LRRC69: variants seen among roughly 807,000 people sequenced by gnomAD.
LRRC69 encodes the protein leucine-rich repeat-containing protein 69.
Under a neutral mutation model 37.8 loss-of-function variants are expected in LRRC69, and 42 were observed. The ratio of observed to expected loss-of-function variants is 1.11; its 90% CI spans 0.87 to 1.44. The LOEUF is 1.44. Among genes scored for constraint, LRRC69 ranks in the 40% most tolerant of loss-of-function variants. The probability of loss-of-function intolerance (pLI) is 0.00; values close to 1 mark genes in which losing one functional copy is unlikely to be tolerated. For synonymous variants in LRRC69, 141 were observed against 143.1 expected (o/e 0.99, Z 0.11); for missense variants, 357 against 401.9 (o/e 0.89, Z 0.96).
intron 6 of LRRC69, among the ~76,000 whole-genome samples, chr8:91,192,799 C>T (rs1363652940): frequency 6.7e-6 from 1 of 149,920 alleles, no homozygotes; most frequent in Non-Finnish European, 1.5e-5. Context: ...TCTAGGTTGC[C>T]TGTTCACTCT....
At position 91,140,639 on chromosome 8, in the gene LRRC69, A is replaced by ATTT. The variant is rs71266165; in HGVS notation, c.651+4930_651+4932dup. On this transcript the variant is annotated intron_variant, in intron 5 of 7. Coordinates refer to ENST00000448384, the Ensembl canonical transcript of LRRC69. ...TTAAATGAATATTCTTCAATATGTG[A>ATTT]TTTTTTTTTTTTTTTTTTTTTTTTT... Among the ~76,000 whole-genome samples the ATTT allele has an allele frequency of 5.3e-3, 123 of 23,262 alleles. 38 individuals carry two copies. Among genetic ancestry groups the ATTT allele is most frequent in the African/African-American group, 0.019 (81 of 4,328 alleles). The allele number at this position is 23,262 out of a possible 152,430, so 15.3% of individuals were successfully genotyped here. A position where few individuals can be genotyped will look rare whatever the true frequency, so the allele number is the denominator to read the frequency against.
intron 6 of LRRC69, among the ~76,000 whole-genome samples, chr8:91,197,774 T>G (rs909068740): frequency 1.3e-5 from 2 of 151,472 alleles, no homozygotes; most frequent in African/African-American, 2.4e-5. Context: ...ACCCGGTACC[T>G]CAGATGGAAA....
intron 5 of LRRC69, among the ~76,000 whole-genome samples, chr8:91,151,589 T>A (rs1423183721): frequency 2.0e-5 from 3 of 151,766 alleles, no homozygotes; most frequent in Non-Finnish European, 4.4e-5. Context: ...TTGTGAATAG[T>A]GCTGCAGTAA....
intron 1 of LRRC69, among the ~76,000 whole-genome samples, chr8:91,105,077 T>A (rs1055206328): frequency 6.6e-6 from 1 of 152,050 alleles, no homozygotes; most frequent in East Asian, 1.9e-4. Flanking sequence ...GTGCTTACTT[T>A]TAAAGAAGAA....
chr8:91,173,167 G>A (rs1563613876), intron 5 of LRRC69, among the ~76,000 whole-genome samples: 1 of 151,930 alleles, frequency 6.6e-6, no homozygotes, highest in Non-Finnish European at 1.5e-5. Flanking sequence ...GTGTGGCTAT[G>A]GGGTAGAGTA....
At chr8:91,174,171 T>C (rs1332056190) in intron 5 of LRRC69, among the ~76,000 whole-genome samples, 1 of 150,494 alleles carries the variant, frequency 6.6e-6, no homozygotes, top group Non-Finnish European at 1.5e-5. Flanking sequence ...CTAAATAATA[T>C]GTTCATAGAG....
At chr8:91,158,256 G>C (rs1808871797) in intron 5 of LRRC69, 1 of 1,558,638 alleles carries the variant, frequency 6.4e-7, no homozygotes, top group Non-Finnish European at 8.8e-7. Context: ...GGATTAATTG[G>C]CCCCCTGATT....
chr8:91,142,026 A>G (rs1311965420), intron 5 of LRRC69, among the ~76,000 whole-genome samples: 1 of 152,034 alleles, frequency 6.6e-6, no homozygotes, highest in East Asian at 1.9e-4. Flanking sequence ...CAACAGAAAA[A>G]AAAGTAAATT....
intron 4 of LRRC69, 78 bp downstream of exon 4, chr8:91,133,383 T>C: frequency 8.9e-7 from 1 of 1,129,038 alleles, no homozygotes. Flanking sequence ...TAGATTAGAT[T>C]TGGGTATCTG....
intron 1 of LRRC69, among the ~76,000 whole-genome samples, chr8:91,114,093 A>G (rs554116884): frequency 1.3e-5 from 2 of 152,074 alleles, no homozygotes; most frequent in African/African-American, 4.8e-5. Flanking sequence ...AATGAAACAC[A>G]AAGCAAAACA....
intron 7 of LRRC69, among the ~76,000 whole-genome samples, chr8:91,213,610 G>T (rs1011995685): frequency 1.3e-5 from 2 of 152,298 alleles, no homozygotes; most frequent in Non-Finnish European, 2.9e-5. Context: ...AGAGGTAAAA[G>T]ATATTAGCAA....
intron 5 of LRRC69, among the ~76,000 whole-genome samples, chr8:91,137,530 C>G: frequency 6.6e-6 from 1 of 152,114 alleles, no homozygotes; most frequent in East Asian, 1.9e-4. Flanking sequence ...TTATTATTCA[C>G]CTTTCACCTT....
At chr8:91,142,507 A>G (rs1162457993) in intron 5 of LRRC69, among the ~76,000 whole-genome samples, 1 of 152,052 alleles carries the variant, frequency 6.6e-6, no homozygotes, top group East Asian at 1.9e-4. Context: ...GAGGATATTG[A>G]GGCTCCAGAG....
At chr8:91,172,877 A>T (rs1313948910) in intron 5 of LRRC69, among the ~76,000 whole-genome samples, 1 of 151,940 alleles carries the variant, frequency 6.6e-6, no homozygotes, top group Non-Finnish European at 1.5e-5. Context: ...TCCTTGAATA[A>T]TTTTTTAAAT....
rs1042462574 is a variant in LRRC69 at position 91,109,519 on chromosome 8, A to C, written c.183+6675A>C. ...GAATGTCATTTTAATTGAATGTTAA[A>C]ATTTTACATTTTAATTGAATTCTAA... On this transcript the variant is annotated intron_variant, in intron 1 of 7. Transcript: ENST00000448384. 2.0e-5 allele frequency among the ~76,000 whole-genome samples: 3 copies of C among 152,094 alleles called. No individual in the cohort carries two copies. In the East Asian group the frequency reaches 5.8e-4, roughly 29 times the overall value.
chr8:91,209,337 C>T (rs896429520), intron 7 of LRRC69, among the ~76,000 whole-genome samples: 1 of 152,012 alleles, frequency 6.6e-6, no homozygotes, highest in African/African-American at 2.4e-5. Flanking sequence ...ACTGAGGAGG[C>T]AGGAGAAGCA....
At chr8:91,149,489 C>T (rs1265091157) in intron 5 of LRRC69, among the ~76,000 whole-genome samples, 1 of 151,808 alleles carries the variant, frequency 6.6e-6, no homozygotes, top group Non-Finnish European at 1.5e-5. Context: ...TTACTGTAGC[C>T]TTGTAGTATA....
chr8:91,197,905 A>G (rs1809644654), intron 6 of LRRC69, among the ~76,000 whole-genome samples: 1 of 152,062 alleles, frequency 6.6e-6, no homozygotes, highest in Non-Finnish European at 1.5e-5. Flanking sequence ...TGTTTAGTGG[A>G]AGTAGCTATC....
intron 5 of LRRC69, among the ~76,000 whole-genome samples, chr8:91,161,498 CTATTTCT>C (rs1351550451): frequency 6.6e-6 from 1 of 151,082 alleles, no homozygotes; most frequent in African/African-American, 2.4e-5. Flanking sequence ...TTTAGGTTTT[CTATTTCT>C]TCCTGGTTCA....
Sources: gnomAD v4.1 joint callset for allele counts (sites outside exome capture counted in the v4.1 genomes callset) on GRCh38, gnomAD v4.1.1 for gene constraint, MANE v1.5 for transcripts, NCBI Gene and HGNC (gene_info 2026-07-23, HGNC 2026-07-21) for gene names.